Variants in ZNF618 observed in about 807,000 individuals in gnomAD.
The protein encoded by ZNF618 is neural precursor cell expressed, developmentally down-regulated 10.
Under a neutral mutation model 103.0 loss-of-function variants are expected in ZNF618, and 34 were observed. That is an observed-to-expected ratio of 0.33 (90% CI 0.25 to 0.44). The LOEUF (loss-of-function observed/expected upper bound fraction) is 0.44. Ranked by LOEUF, ZNF618 falls within the 20% of genes least tolerant of loss-of-function variation. ZNF618 has a pLI of 1.00. For synonymous variants in ZNF618, 551 were observed against 542.2 expected, an observed-to-expected ratio of 1.02 and a Z score of -0.23; for missense variants, 1,059 against 1,295.4, an observed-to-expected ratio of 0.82 and a Z score of 2.80.
chr9:113,907,049 C>T (rs12236173), intron 1 of ZNF618, among the ~76,000 whole-genome samples: 1 of 152,364 alleles, frequency 6.6e-6, no homozygotes, highest in East Asian at 1.9e-4. Context: ...GAGAGCATCT[C>T]TTTTCCAAGG....
At chr9:113,947,799 C>T (rs1252671769) in intron 1 of ZNF618, among the ~76,000 whole-genome samples, 3 of 152,100 alleles carry the variant, frequency 2.0e-5, no homozygotes, top group South Asian at 2.1e-4. Context: ...AAACAAGTGC[C>T]GCAGCTCTAT....
chr9:113,924,368 C>A (rs1832888494), intron 1 of ZNF618, among the ~76,000 whole-genome samples: 1 of 150,616 alleles, frequency 6.6e-6, no homozygotes, highest in Admixed American at 6.6e-5. Flanking sequence ...TAGTGATGAC[C>A]CCGTTCGATT....
intron 9 of ZNF618, among the ~76,000 whole-genome samples, chr9:114,009,328 G>C (rs1349720469): frequency 6.6e-6 from 1 of 152,326 alleles, no homozygotes; most frequent in South Asian, 2.1e-4. Context: ...GGAGAGCCCT[G>C]CTGGTCCCGA....
rs138524635 is a variant in ZNF618 at position 113,965,536 on chromosome 9, C to T, written c.34-3581C>T. On this transcript the variant is annotated intron_variant, in intron 1 of 14. Coordinates refer to ENST00000374126, the MANE Select transcript of ZNF618 (RefSeq NM_001318042.2). ...TAGATACACCTTCACCCCAGCTTTACGAGAGTGAGAAGGAGGATCTCACTG... is the reference window on the plus strand; with the variant it reads ...TAGATACACCTTCACCCCAGCTTTATGAGAGTGAGAAGGAGGATCTCACTG... Among the ~76,000 whole-genome samples, 12 of 152,178 alleles carry T rather than the reference C, an allele frequency of 7.9e-5. No homozygotes were observed. The East Asian group carries it at 9.7e-4, about 12-fold the overall frequency.
chr9:113,911,616 A>ACAT (rs1463236733), intron 1 of ZNF618, among the ~76,000 whole-genome samples: 1 of 152,174 alleles, frequency 6.6e-6, no homozygotes, highest in Non-Finnish European at 1.5e-5. Flanking sequence ...GGCGTGAGCC[A>ACAT]CCGTGCCTGG....
At chr9:113,944,945 A>G (rs1276614712) in intron 1 of ZNF618, among the ~76,000 whole-genome samples, 1 of 152,178 alleles carries the variant, frequency 6.6e-6, no homozygotes, top group East Asian at 1.9e-4. Flanking sequence ...AGATGCACAT[A>G]AAAAAGTGAC....
chr9:113,877,011 T>C (rs928909687), intron 1 of ZNF618, among the ~76,000 whole-genome samples: 1 of 151,946 alleles, frequency 6.6e-6, no homozygotes, highest in Admixed American at 6.6e-5. Flanking sequence ...TGAAAAGAAA[T>C]ATTTTTTATT....
intron 1 of ZNF618, among the ~76,000 whole-genome samples, chr9:113,954,903 G>T (rs1486034592): frequency 6.6e-6 from 1 of 152,050 alleles, no homozygotes; most frequent in Non-Finnish European, 1.5e-5. Flanking sequence ...TCCCTCTATG[G>T]TCCACTCCCA....
chr9:113,950,639 A>G (rs1173789324), intron 1 of ZNF618, among the ~76,000 whole-genome samples: 2 of 152,184 alleles, frequency 1.3e-5, no homozygotes, highest in Non-Finnish European at 2.9e-5. Flanking sequence ...CACTCTGTGA[A>G]TAAGCCTTGG....
chr9:113,999,801 G>A (rs915591614), intron 4 of ZNF618, among the ~76,000 whole-genome samples: 1 of 152,230 alleles, frequency 6.6e-6, no homozygotes, highest in African/African-American at 2.4e-5. Flanking sequence ...TTAGATGGAG[G>A]ACAGGGAGCA....
chr9:114,050,482 G>A lies in ZNF618; in HGVS notation c.*315G>A. 4.0e-6 allele frequency: 1 copy of A among 251,360 alleles called. No individual in the cohort carries two copies. The highest frequency in any genetic ancestry group is 8.8e-5 in the South Asian group (1 of 11,328). The allele number at this position is 251,360 out of a possible 1,614,324, so 15.6% of individuals were successfully genotyped here. On this transcript the variant is annotated 3_prime_UTR_variant, in exon 15 of 15. Transcript: ENST00000374126. ...CACACACACACACACACACGACCCTGGTGCGTGTACATACGCCTGTGCTTG... is the reference window on the plus strand; with the variant it reads ...CACACACACACACACACACGACCCTAGTGCGTGTACATACGCCTGTGCTTG...
rs113111267 is a variant in ZNF618, at chr9:113,900,356, C to G, written c.33+23943C>G. On this transcript the variant is annotated intron_variant, in intron 1 of 14. Coordinates refer to ENST00000374126, the MANE Select transcript of ZNF618 (RefSeq NM_001318042.2). ...GGATTACAGGCGTGAGCCACCATGCCTGGCCGACAAACTGCCACTTTTAAA... is the reference window on the plus strand; with the variant it reads ...GGATTACAGGCGTGAGCCACCATGCGTGGCCGACAAACTGCCACTTTTAAA... 2.9e-3 allele frequency among the ~76,000 whole-genome samples: 444 copies of G among 152,306 alleles called. 2 individuals carry two copies. The highest frequency in any genetic ancestry group is 0.01 in the African/African-American group (434 of 41,556).
chr9:113,918,212 A>G (rs1832305093), intron 1 of ZNF618, among the ~76,000 whole-genome samples: 1 of 152,144 alleles, frequency 6.6e-6, no homozygotes, highest in Non-Finnish European at 1.5e-5. Context: ...CCCAGAAGTG[A>G]TGCTGTTTTC....
chr9:114,027,177 G>A (rs115427251), intron 10 of ZNF618, among the ~76,000 whole-genome samples: 3,368 of 152,260 alleles, frequency 0.022, 133 homozygotes, highest in African/African-American at 0.077. Context: ...TGAGGCCCTC[G>A]GCTCAGAAAG....
intron 10 of ZNF618, among the ~76,000 whole-genome samples, chr9:114,024,226 A>G (rs1188804642): frequency 6.6e-6 from 1 of 152,204 alleles, no homozygotes; most frequent in African/African-American, 2.4e-5. Context: ...AGAAAAATCC[A>G]TTAAGTGAAC....
intron 6 of ZNF618, among the ~76,000 whole-genome samples, chr9:114,003,747 G>A (rs922019904): frequency 1.3e-5 from 2 of 152,204 alleles, no homozygotes; most frequent in Non-Finnish European, 2.9e-5. Context: ...GGTTACCTGG[G>A]TGGTTTCAGT....
chr9:113,925,083 C>G (rs1832967889), intron 1 of ZNF618, among the ~76,000 whole-genome samples: 1 of 151,986 alleles, frequency 6.6e-6, no homozygotes, highest in Non-Finnish European at 1.5e-5. Context: ...TACTGATTTT[C>G]TACTTGCTGG....
intron 1 of ZNF618, among the ~76,000 whole-genome samples, chr9:113,900,829 C>G (rs4308813): frequency 7.7e-4 from 32 of 41,398 alleles, no homozygotes; most frequent in East Asian, 2.6e-3. Context: ...CCGTCCTCTC[C>G]CGCAAACCCG....
At chr9:113,978,855 A>ATGGTGTAGG (rs1391686030) in intron 2 of ZNF618, among the ~76,000 whole-genome samples, 4 of 152,140 alleles carry the variant, frequency 2.6e-5, no homozygotes, top group Non-Finnish European at 5.9e-5. Context: ...GAAGGATGAG[A>ATGGTGTAGG]TGGTGTAGGT....
Sources: gnomAD v4.1 joint callset for allele counts (sites outside exome capture counted in the v4.1 genomes callset) on GRCh38, gnomAD v4.1.1 for gene constraint, MANE v1.5 for transcripts, NCBI Gene and HGNC (gene_info 2026-07-23, HGNC 2026-07-21) for gene names.